The following MACROD2 variants were observed in gnomAD, a reference collection of about 807,000 sequenced individuals.
MACROD2 encodes ADP-ribose glycohydrolase MACROD2.
MACROD2 carries 36 observed loss-of-function variants against 70.4 expected under a neutral mutation model. The observed-to-expected ratio is 0.51, with a 90% confidence interval of 0.39 to 0.68. The LOEUF (loss-of-function observed/expected upper bound fraction) is 0.68, where lower values mean the gene tolerates loss of function less well. Ranked by LOEUF, MACROD2 falls within the 30% of genes least tolerant of loss-of-function variation. MACROD2 has a pLI of 0.00. For missense variants in MACROD2, 496 were observed against 538.4 expected (o/e 0.92, Z 0.78); for synonymous variants, 172 against 178.8 (o/e 0.96, Z 0.30).
chr20:15,698,021 G>A (rs6110746), intron 8 of MACROD2, among the ~76,000 whole-genome samples: 41,793 of 152,080 alleles, frequency 0.27, 7,457 homozygotes, highest in African/African-American at 0.51. Flanking sequence ...GCAGTTCTCT[G>A]TCTTTCAAGT....
intron 6 of MACROD2, among the ~76,000 whole-genome samples, chr20:15,370,952 A>C (rs1880430644): frequency 6.6e-6 from 1 of 152,088 alleles, no homozygotes; most frequent in South Asian, 2.1e-4. Flanking sequence ...ATATTGTCTT[A>C]AGTTTTAACT....
Position 15,545,983 on chromosome 20 carries a change from G to A in MACROD2, c.645+46136G>A, listed in dbSNP as rs1250771131. Among the ~76,000 whole-genome samples, 4 of 152,170 alleles carry A rather than the reference G, an allele frequency of 2.6e-5. No individual in the cohort carries two copies. The East Asian group carries it at 7.7e-4, about 29-fold the overall frequency. ...ATGGAAAGAAGAGACAGCTGGGCAC[G>A]ATGGCTCATGCCTGTCATCCCAGCA... On this transcript the variant is annotated intron_variant, in intron 8 of 17. Coordinates refer to ENST00000684519, the MANE Select transcript of MACROD2 (RefSeq NM_001351661.2).
intron 13 of MACROD2, among the ~76,000 whole-genome samples, chr20:15,973,109 A>G (rs889809771): frequency 2.6e-5 from 4 of 152,146 alleles, no homozygotes; most frequent in Non-Finnish European, 4.4e-5. Context: ...GGAGGGGGCC[A>G]TGAGAGGGCT....
chr20:14,626,614 C>T (rs905234938), intron 4 of MACROD2, among the ~76,000 whole-genome samples: 2 of 152,158 alleles, frequency 1.3e-5, no homozygotes, highest in East Asian at 1.9e-4. Context: ...TTCCATCAAA[C>T]TTGAAGTTGC....
intron 5 of MACROD2, among the ~76,000 whole-genome samples, chr20:14,736,546 A>G (rs1247153575): frequency 6.6e-6 from 1 of 152,206 alleles, no homozygotes; most frequent in Non-Finnish European, 1.5e-5. Flanking sequence ...AACATCCTTC[A>G]TGTATTTACA....
chr20:15,667,722 G>A (rs1248744244), intron 8 of MACROD2, among the ~76,000 whole-genome samples: 1 of 152,042 alleles, frequency 6.6e-6, no homozygotes, highest in African/African-American at 2.4e-5. Flanking sequence ...GCTCTTTACT[G>A]TTGTTACTGT....
intron 8 of MACROD2, among the ~76,000 whole-genome samples, chr20:15,637,849 T>C (rs2049394852): frequency 6.6e-6 from 1 of 152,222 alleles, no homozygotes; most frequent in Admixed American, 6.5e-5. Context: ...TTTTAAGCCC[T>C]AAACCAGAAA....
intron 5 of MACROD2, among the ~76,000 whole-genome samples, chr20:14,819,063 G>A (rs1053082084): frequency 9.9e-5 from 15 of 151,464 alleles, no homozygotes; most frequent in Non-Finnish European, 1.2e-4. Flanking sequence ...TCAGGAGTTC[G>A]AAACCAGCCT....
intron 3 of MACROD2, among the ~76,000 whole-genome samples, chr20:14,227,486 G>A (rs191489919): frequency 7.2e-4 from 109 of 151,760 alleles, no homozygotes; most frequent in African/African-American, 2.5e-3. Context: ...CAGATGCGCC[G>A]CCTTAAGAGC....
intron 9 of MACROD2, among the ~76,000 whole-genome samples, chr20:15,869,236 T>TAGAGAGAGAGAGAGAGAGAG (rs1423223643): frequency 9.3e-4 from 31 of 33,442 alleles, no homozygotes; most frequent in South Asian, 3.7e-3. Context: ...TATATATATA[T>TAGAGAGAGAGAGAGAGAGAG]ATAGAGAGAG....
At chr20:14,832,981 C>G (rs1411327047) in intron 5 of MACROD2, among the ~76,000 whole-genome samples, 1 of 152,098 alleles carries the variant, frequency 6.6e-6, no homozygotes, top group Non-Finnish European at 1.5e-5. Context: ...TAGCACTGTT[C>G]AATAGAACTT....
intron 5 of MACROD2, among the ~76,000 whole-genome samples, chr20:14,976,598 G>A (rs994477924): frequency 6.6e-6 from 1 of 152,150 alleles, no homozygotes; most frequent in African/African-American, 2.4e-5. Context: ...AGAGTCTGGG[G>A]AACAGGATGT....
chr20:15,537,675 T>C (rs900325316), intron 8 of MACROD2, among the ~76,000 whole-genome samples: 1 of 152,074 alleles, frequency 6.6e-6, no homozygotes, highest in Non-Finnish European at 1.5e-5. Flanking sequence ...GGTTTCACCA[T>C]GTTGGCCAGG....
At chr20:14,629,811 T>C (rs1360607544) in intron 4 of MACROD2, among the ~76,000 whole-genome samples, 2 of 152,194 alleles carry the variant, frequency 1.3e-5, no homozygotes, top group African/African-American at 4.8e-5. Context: ...AACCCTGGTC[T>C]CTTTTTATTT....
intron 3 of MACROD2, among the ~76,000 whole-genome samples, chr20:14,271,868 G>A (rs2082199375): frequency 6.6e-6 from 1 of 152,168 alleles, no homozygotes; most frequent in Non-Finnish European, 1.5e-5. Context: ...AGGAGCTGAT[G>A]CAATCAACTG....
At chr20:15,212,478 AGACAAGTTTTACTTTTG>A (rs1232062803) in intron 5 of MACROD2, among the ~76,000 whole-genome samples, 1 of 152,230 alleles carries the variant, frequency 6.6e-6, no homozygotes, top group Non-Finnish European at 1.5e-5. Context: ...AGTAGAGAGT[AGACAAGTTTTACTTTTG>A]GACAAGTTTT....
At chr20:15,574,766 A>G (rs2048421947) in intron 8 of MACROD2, among the ~76,000 whole-genome samples, 1 of 152,172 alleles carries the variant, frequency 6.6e-6, no homozygotes, top group African/African-American at 2.4e-5. Context: ...TATGCTTGAA[A>G]TCTGAAGATG....
chr20:15,043,971 T>G (rs1172073369), intron 5 of MACROD2, among the ~76,000 whole-genome samples: 1 of 152,206 alleles, frequency 6.6e-6, no homozygotes, highest in Non-Finnish European at 1.5e-5. Flanking sequence ...TCCTTGTACC[T>G]GCATGTGCTC....
intron 5 of MACROD2, among the ~76,000 whole-genome samples, chr20:14,834,696 G>T (rs1466387315): frequency 1.3e-5 from 2 of 151,974 alleles, no homozygotes; most frequent in Non-Finnish European, 2.9e-5. Context: ...ACAGTTGCTG[G>T]TTGAAATTAC....
Sources: allele counts gnomAD v4.1 joint callset (sites outside exome capture counted in the v4.1 genomes callset), GRCh38; gene constraint gnomAD v4.1.1; transcripts MANE v1.5; gene names NCBI Gene and HGNC (gene_info 2026-07-23, HGNC 2026-07-21).